ADAP2: variants seen among roughly 807,000 people sequenced by gnomAD.
The protein encoded by ADAP2 is arf-GAP with dual PH domain-containing protein 2.
ADAP2 carries 42 observed loss-of-function variants against 54.9 expected under a neutral mutation model. The observed-to-expected ratio is 0.77, with a 90% CI of 0.60 to 0.99. ADAP2 has a LOEUF of 0.99. Ranked by LOEUF, ADAP2 falls within the 50% of genes least tolerant of loss-of-function variation. ADAP2 has a pLI of 0.00. For missense variants in ADAP2, 429 were observed against 480.4 expected (o/e 0.89, Z 1.00); for synonymous variants, 177 against 180.1 (o/e 0.98, Z 0.14).
rs1352783247 is a variant in ADAP2, at chr17:30,934,215, G to A, written c.428G>A (p.Gly143Glu). ...CGAGAAGGATTCCTGTGGAAGCGAG[G>A]AAGGGACAACTCACAGTTTCTGAGA... ...GNREGFLWKR[G>E]RDNSQFLRRK... The change falls in exon 5 of 11, where the codon GGA becomes GAA. Residue 143 changes from glycine to glutamate, a missense_variant. Gly to Glu is a moderately conservative substitution (Grantham distance 98). Coordinates refer to ENST00000330889, the MANE Select transcript of ADAP2 (RefSeq NM_018404.3). 2 of 1,614,126 alleles carry A rather than the reference G, an allele frequency of 1.2e-6. No individual in the cohort carries two copies. The highest frequency in any genetic ancestry group is 2.2e-5 in the East Asian group (1 of 44,878).
chr17:30,932,000 A>T, intron 4 of ADAP2, 32 bp downstream of exon 4: 1 of 1,594,134 alleles, frequency 6.3e-7, no homozygotes, highest in Non-Finnish European at 8.6e-7. Context: ...TTTGAAATCT[A>T]TGTTTTAATG....
At chr17:30,940,331 G>T (rs1387517154) in intron 5 of ADAP2, among the ~76,000 whole-genome samples, 1 of 151,050 alleles carries the variant, frequency 6.6e-6, no homozygotes, top group African/African-American at 2.4e-5. Flanking sequence ...TCGAGATGGA[G>T]TCTCGCTTCA....
intron 2 of ADAP2, 28 bp downstream of exon 2, chr17:30,923,098 T>G (rs201918740): frequency 1.2e-6 from 2 of 1,611,792 alleles, no homozygotes; most frequent in East Asian, 2.2e-5. Context: ...TGGAGAGCCA[T>G]GGAACTGCGG....
intron 3 of ADAP2, among the ~76,000 whole-genome samples, chr17:30,928,123 G>A (rs1022948992): frequency 6.7e-5 from 10 of 149,544 alleles, no homozygotes; most frequent in Non-Finnish European, 3.0e-5. Context: ...GAACCCGGAG[G>A]CAGAGGGTGC....
chr17:30,934,346 C>A, intron 5 of ADAP2, 49 bp downstream of exon 5: 1 of 1,272,014 alleles, frequency 7.9e-7, no homozygotes, highest in Non-Finnish European at 1.1e-6. Context: ...GCACTCTCAC[C>A]CGACTAAGGT....
chr17:30,950,327 G>T (rs1228334804), intron 7 of ADAP2, among the ~76,000 whole-genome samples: 1 of 152,144 alleles, frequency 6.6e-6, no homozygotes, highest in East Asian at 1.9e-4. Context: ...GCTGGGCCAG[G>T]GAGACCCGCA....
intron 2 of ADAP2, among the ~76,000 whole-genome samples, chr17:30,925,712 C>G (rs1189918436): frequency 6.6e-6 from 1 of 151,772 alleles, no homozygotes; most frequent in Non-Finnish European, 1.5e-5. Flanking sequence ...TCTTGTGCCT[C>G]AGCCTCCTGA....
At chr17:30,940,893 G>C (rs1912225631) in intron 5 of ADAP2, among the ~76,000 whole-genome samples, 1 of 152,136 alleles carries the variant, frequency 6.6e-6, no homozygotes, top group African/African-American at 2.4e-5. Context: ...AATACCTTGA[G>C]CATCTCCCAG....
At position 30,922,046 on chromosome 17, in the gene ADAP2, T is replaced by C. The variant is rs1366458170; in HGVS notation, c.32T>C (p.Leu11Pro). The C allele has an allele frequency of 3.1e-6, 4 of 1,274,102 alleles. No homozygotes were observed. Among genetic ancestry groups the C allele is most frequent in the Non-Finnish European group, 3.9e-6 (4 of 1,015,054 alleles). 78.9% of individuals were successfully genotyped at this position (1,274,102 alleles called of 1,614,324 possible). ...GATCGCGAGCGCAACAAGAAGCGGC[T>C]GCTGGAGCTGCTGCGGGCGCCGGAC... Reference protein sequence around the residue: MGDRERNKKRLLELLRAPDTG... With the variant: MGDRERNKKRPLELLRAPDTG... Residue 11 changes from leucine (L) to proline (P), a missense_variant, in exon 1 of 11, where the codon CTG becomes CCG. Transcript: ENST00000330889.
At chr17:30,934,380 T>G (rs1400294627) in intron 5 of ADAP2, 83 bp downstream of exon 5, 10 of 900,312 alleles carry the variant, frequency 1.1e-5, no homozygotes, top group Non-Finnish European at 1.7e-5. Flanking sequence ...AGTGGTGCCC[T>G]TTTCTTGTAG....
Position 30,947,434 on chromosome 17 carries a change from AC to A in ADAP2, c.658-1851del, listed in dbSNP as rs558293735. On this transcript the variant is annotated intron_variant, in intron 6 of 10. Coordinates refer to ENST00000330889, the MANE Select transcript of ADAP2 (RefSeq NM_018404.3). ...AGTGGTGCAATCTCGGCTCACTGCA[AC>A]CTCCACCTCCCAGGTTAAAGCAATT... Among the ~76,000 whole-genome samples the A allele has an allele frequency of 4.5e-3, 677 of 151,906 alleles. 5 individuals are homozygous for A. The highest frequency in any genetic ancestry group is 0.016 in the African/African-American group (651 of 41,416).
intron 6 of ADAP2, among the ~76,000 whole-genome samples, 154 bp from the exon 7 acceptor site, chr17:30,949,133 C>T (rs548301121): frequency 6.6e-6 from 1 of 152,302 alleles, no homozygotes; most frequent in African/African-American, 2.4e-5. Context: ...CACAATCCTC[C>T]CTGGATGCCC....
chr17:30,935,676 A>G (rs1333501750), intron 5 of ADAP2, among the ~76,000 whole-genome samples: 31 of 152,242 alleles, frequency 2.0e-4, no homozygotes. Context: ...CTCGAAAATC[A>G]GAAGCCTGGT....
intron 6 of ADAP2, among the ~76,000 whole-genome samples, chr17:30,947,385 G>A (rs1280694502): frequency 2.0e-5 from 3 of 151,816 alleles, no homozygotes; most frequent in Non-Finnish European, 4.4e-5. Context: ...ACAGAGTCTC[G>A]CTCTGTCACC....
At chr17:30,939,724 T>A (rs1912129145) in intron 5 of ADAP2, among the ~76,000 whole-genome samples, 1 of 142,014 alleles carries the variant, frequency 7.0e-6, no homozygotes. Context: ...TGAGCCGAGA[T>A]GGCGCCACTG....
At chr17:30,931,093 A>G (rs953972711) in intron 3 of ADAP2, among the ~76,000 whole-genome samples, 1 of 152,162 alleles carries the variant, frequency 6.6e-6, no homozygotes, top group Non-Finnish European at 1.5e-5. Context: ...TAGCCTGCCC[A>G]GACTTCATGG....
intron 8 of ADAP2, 90 bp downstream of exon 8, chr17:30,953,440 T>C: frequency 1.4e-6 from 2 of 1,405,052 alleles, no homozygotes; most frequent in Non-Finnish European, 2.0e-6. Context: ...AAGAGGACAG[T>C]GAAAGGTGTT....
At chr17:30,952,322 C>G (rs1168441679) in intron 7 of ADAP2, among the ~76,000 whole-genome samples, 1 of 152,268 alleles carries the variant, frequency 6.6e-6, no homozygotes, top group South Asian at 2.1e-4. Flanking sequence ...CCAGGTCTCC[C>G]GACTTCTGCT....
intron 2 of ADAP2, among the ~76,000 whole-genome samples, chr17:30,924,210 A>C (rs1268509683): frequency 1.3e-5 from 2 of 152,020 alleles, no homozygotes; most frequent in African/African-American, 2.4e-5. Context: ...CCGTCTTTAC[A>C]AAAAATACAA....
Sources: gnomAD v4.1 joint callset for allele counts (sites outside exome capture counted in the v4.1 genomes callset) on GRCh38, gnomAD v4.1.1 for gene constraint, MANE v1.5 for transcripts, NCBI Gene and HGNC (gene_info 2026-07-23, HGNC 2026-07-21) for gene names.